Variants in CCNI2 observed in about 807,000 individuals in gnomAD.
CCNI2 encodes the protein cyclin I family member 2.
In CCNI2, 32 loss-of-function variants were observed where a neutral mutation model predicts 33.2. That is an observed-to-expected ratio of 0.96 (90% confidence interval 0.73 to 1.30). CCNI2 has a LOEUF of 1.30. CCNI2 is among the 50% of genes most tolerant of loss of function. The probability of loss-of-function intolerance (pLI) is 0.00; values close to 1 mark genes in which losing one functional copy is unlikely to be tolerated. For synonymous variants in CCNI2, 231 were observed against 219.9 expected, an observed-to-expected ratio of 1.05 and a Z score of -0.45; for missense variants, 452 against 486.2, an observed-to-expected ratio of 0.93 and a Z score of 0.66.
Position 132,752,215 on chromosome 5 carries a change from C to A in CCNI2, c.1005+19C>A. The A allele has an allele frequency of 1.9e-6, 3 of 1,549,554 alleles. No homozygotes were observed. Among genetic ancestry groups the A allele is most frequent in the East Asian group, 4.8e-5 (2 of 42,054 alleles). On this transcript the variant is annotated intron_variant, in intron 5 of 5. Coordinates refer to ENST00000378731, the MANE Select transcript of CCNI2 (RefSeq NM_001039780.4). Reference sequence around the variant, plus strand: ...AGCACAGGTAGACATCAACTTTGCCCCAGACCAGGCTCTGTGTTTTGCCCC... The same window carrying A: ...AGCACAGGTAGACATCAACTTTGCCACAGACCAGGCTCTGTGTTTTGCCCC...
chr5:132,751,878 T>G (rs1754871464), intron 4 of CCNI2, 88 bp from the exon 5 acceptor site: 2 of 1,444,012 alleles, frequency 1.4e-6, no homozygotes, highest in Non-Finnish European at 1.9e-6. Context: ...TGTTCCCTGA[T>G]GGAAATTTAA....
In CCNI2 at chr5:132,754,386, G is replaced by A. The variant is rs1007704163; in HGVS notation, c.*1416G>A. On this transcript the variant is annotated 3_prime_UTR_variant, in exon 6 of 6. Transcript: ENST00000378731. ...GTGTAAGTGGGACCACAGTGCATGA[G>A]GCAGAAGGACATCCTGAGGGCCCAT... The A allele has an allele frequency of 1.4e-6, 1 of 717,206 alleles. No individual in the cohort carries two copies. Among genetic ancestry groups the A allele is most frequent in the African/African-American group, 1.7e-5 (1 of 57,242 alleles). 44.4% of individuals were successfully genotyped at this position (717,206 alleles called of 1,614,324 possible). A position where few individuals can be genotyped will look rare whatever the true frequency, so the allele number is the denominator to read the frequency against.
chr5:132,750,887 C>T lies in CCNI2; in HGVS notation c.664C>T (p.His222Tyr). 2 of 1,614,178 alleles carry T rather than the reference C, an allele frequency of 1.2e-6. No homozygotes were observed. The highest frequency in any genetic ancestry group is 3.3e-5 in the Admixed American group (2 of 60,012). Residue 222 changes from histidine (H) to tyrosine (Y), a missense_variant, in exon 4 of 6, where the codon CAC (histidine) becomes TAC (tyrosine). By Grantham distance (83) the His-to-Tyr change is moderately conservative. Coordinates refer to ENST00000378731, the MANE Select transcript of CCNI2 (RefSeq NM_001039780.4). ...FIPQVKDFTK[H>Y]YGSDYSPNEL... ...TCCACAAGTAAAAGACTTCACAAAGCACTATGGCTCTGACTATTCCCCGAA... is the reference window on the plus strand; with the variant it reads ...TCCACAAGTAAAAGACTTCACAAAGTACTATGGCTCTGACTATTCCCCGAA...
Position 132,747,652 on chromosome 5 carries a change from C to G in CCNI2, c.157C>G (p.Arg53Gly). Residue 53 changes from arginine (R) to glycine (G), a missense_variant, in exon 1 of 6, where the codon CGG becomes GGG. Transcript: ENST00000378731. This position sits in a 1 kb window ranked among gnomAD's most constrained non-coding sequence, Gnocchi z 4.1. ...GGAGGCCCCTCTGCCCCGAAGCAAC[C>G]GGAGCAGGTGCCCTGGGACCCGCCA... is the stretch of plus-strand genomic sequence containing the variant. The part of the protein sequence containing the change: ...PGEAPLPRSN[R>G]SRCPGTRQPG... 2.7e-6 allele frequency: 4 copies of G among 1,503,630 alleles called. No homozygotes were observed. The highest frequency in any genetic ancestry group is 3.5e-6 in the Non-Finnish European group (4 of 1,133,272). The allele number at this position is 1,503,630 out of a possible 1,614,324, so 93.1% of individuals were successfully genotyped here. A position where few individuals can be genotyped will look rare whatever the true frequency, so the allele number is the denominator to read the frequency against.
chr5:132,752,202 C>T lies in CCNI2; in HGVS notation c.1005+6C>T. 2 of 1,561,432 alleles carry T rather than the reference C, an allele frequency of 1.3e-6. No individual in the cohort carries two copies. Among genetic ancestry groups the T allele is most frequent in the South Asian group, 2.4e-5 (2 of 84,896 alleles). The stretch of plus-strand genomic sequence containing the variant: ...ATCTGCTAAAGAAAGCACAGGTAGA[C>T]ATCAACTTTGCCCCAGACCAGGCTC... On this transcript the variant is annotated splice_donor_region_variant and intron_variant, in intron 5 of 5. Coordinates refer to ENST00000378731, the MANE Select transcript of CCNI2 (RefSeq NM_001039780.4).
intron 4 of CCNI2, chr5:132,751,481 A>G (rs1286047448): frequency 1.1e-5 from 2 of 190,206 alleles, no homozygotes; most frequent in Non-Finnish European, 2.2e-5. Flanking sequence ...GTCATCCTTA[A>G]GGATATGATT....
In CCNI2 at chr5:132,749,422, G is replaced by A; in HGVS notation, c.633G>A (p.Glu211=). 6.2e-7 allele frequency: 1 copy of A among 1,613,330 alleles called. No homozygotes were observed. The highest frequency in any genetic ancestry group is 8.5e-7 in the Non-Finnish European group (1 of 1,179,306). Residue 211 remains glutamate (E), a splice_region_variant and synonymous_variant, in exon 3 of 6, where the codon GAG becomes GAA. Coordinates refer to ENST00000378731, the MANE Select transcript of CCNI2 (RefSeq NM_001039780.4). ...CTGCAAAAGTTAATGAAGAAGAGGA[G>A]GTATGCATCCTTGGAAGTCCACACT... is the stretch of plus-strand genomic sequence containing the variant. ...RLAAKVNEEE[E]FIPQVKDFTK... is the part of the protein sequence containing the mutation.
At chr5:132,748,149 C>T (rs1035259876) in intron 1 of CCNI2, among the ~76,000 whole-genome samples, 198 bp from the exon 2 acceptor site, 1 of 152,136 alleles carries the variant, frequency 6.6e-6, no homozygotes, top group Non-Finnish European at 1.5e-5. Flanking sequence ...ACTCAGCCTA[C>T]GACGAAAAGT....
At chr5:132,748,978 G>C (rs1754692033) in intron 2 of CCNI2, among the ~76,000 whole-genome samples, 1 of 152,218 alleles carries the variant, frequency 6.6e-6, no homozygotes, top group South Asian at 2.1e-4. Flanking sequence ...ACAAACGGCT[G>C]GGCGCAATGG....
At position 132,747,642 on chromosome 5, in the gene CCNI2, C is replaced by G; in HGVS notation, c.147C>G (p.Pro49=). The stretch of plus-strand genomic sequence containing the variant: ...CGTCTCCGGGGGAGGCCCCTCTGCC[C>G]CGAAGCAACCGGAGCAGGTGCCCTG... ...LPPSPGEAPL[P]RSNRSRCPGT... The change falls in exon 1 of 6, where the codon CCC becomes CCG. Residue 49 remains proline, a synonymous_variant. Transcript: ENST00000378731. The surrounding 1 kb of genome is among the most constrained non-coding windows in gnomAD (Gnocchi z 4.1). The G allele has an allele frequency of 6.6e-7, 1 of 1,504,020 alleles. No homozygotes were observed. The highest frequency in any genetic ancestry group is 8.8e-7 in the Non-Finnish European group (1 of 1,133,332). 93.2% of individuals were successfully genotyped at this position (1,504,020 alleles called of 1,614,324 possible).
At chr5:132,748,527 T>A in intron 2 of CCNI2, 52 bp downstream of exon 2, 1 of 1,605,002 alleles carries the variant, frequency 6.2e-7, no homozygotes, top group Non-Finnish European at 8.5e-7. Context: ...GAAACTAACC[T>A]TTGCTCCCCA....
At chr5:132,751,182 C>G in intron 4 of CCNI2, 185 bp downstream of exon 4, 1 of 534,752 alleles carries the variant, frequency 1.9e-6, no homozygotes, top group Middle Eastern at 4.8e-4. Context: ...AACACAGTTC[C>G]ACCAGACTCC....
chr5:132,751,721 TC>T (rs1754856492), intron 4 of CCNI2: 6 of 579,058 alleles, frequency 1.0e-5, no homozygotes, highest in Non-Finnish European at 1.8e-5. Context: ...CTAGGTACTT[TC>T]CGCTCATAAC....
chr5:132,752,826 G>C, intron 5 of CCNI2, 40 bp from the exon 6 acceptor site: 1 of 1,555,182 alleles, frequency 6.4e-7, no homozygotes, highest in Non-Finnish European at 8.9e-7. Context: ...TAGAATGTAT[G>C]ATGGTTCTGC....
Position 132,753,964 on chromosome 5 carries a change from T to TTTG in CCNI2, c.*996_*997insGTT, listed in dbSNP as rs1561732861. On this transcript the variant is annotated 3_prime_UTR_variant, in exon 6 of 6. Coordinates refer to ENST00000378731, the MANE Select transcript of CCNI2 (RefSeq NM_001039780.4). ...TTCCACTGTGAACTATGGTTTTTTT[T>TTTG]TTTTTTTTTTTTTTTTGGTGTGTTT... 3 of 149,708 alleles carry TTTG rather than the reference T, an allele frequency of 2.0e-5. No homozygotes were observed. The highest frequency in any genetic ancestry group is 7.5e-5 in the African/African-American group (3 of 40,048). The allele number at this position is 149,708 out of a possible 1,614,324, so 9.3% of individuals were successfully genotyped here. A position where few individuals can be genotyped will look rare whatever the true frequency, so the allele number is the denominator to read the frequency against.
rs900055875 is a variant in CCNI2, at chr5:132,752,849, A to C, written c.1006-17A>C. On this transcript the variant is annotated splice_polypyrimidine_tract_variant and intron_variant, in intron 5 of 5. Coordinates refer to ENST00000378731, the MANE Select transcript of CCNI2 (RefSeq NM_001039780.4). ...ATGATGGTTCTGCTTGAAGATGGCCACTCTATTCTAATACAGGTTGGTGAT... is the reference window on the plus strand; with the variant it reads ...ATGATGGTTCTGCTTGAAGATGGCCCCTCTATTCTAATACAGGTTGGTGAT... 1.3e-5 allele frequency: 20 copies of C among 1,598,948 alleles called. No individual in the cohort carries two copies. The Admixed American group carries it at 3.4e-4, about 27-fold the overall frequency.
intron 3 of CCNI2, among the ~76,000 whole-genome samples, chr5:132,750,107 G>A (rs774086474): frequency 2.6e-5 from 4 of 152,228 alleles, no homozygotes; most frequent in Admixed American, 6.5e-5. Context: ...GGAAGAAGTT[G>A]TGTGTCCAGT....
downstream of CCNI2, chr5:132,754,640 G>T: frequency 1.6e-6 from 1 of 625,420 alleles, no homozygotes. Flanking sequence ...TTGTATTGCC[G>T]AAGTCCCACT....
chr5:132,755,629 G>A (rs549442284), downstream of CCNI2, among the ~76,000 whole-genome samples: 5 of 152,286 alleles, frequency 3.3e-5, no homozygotes, highest in South Asian at 2.1e-4. Flanking sequence ...ATATGGTTCC[G>A]AGCAGTCCTG....
Sources: gnomAD v4.1 joint callset for allele counts (sites outside exome capture counted in the v4.1 genomes callset) on GRCh38, gnomAD v4.1.1 for gene constraint, Gnocchi (gnomAD v3.1) non-coding constraint, MANE v1.5 for transcripts, NCBI Gene and HGNC (gene_info 2026-07-23, HGNC 2026-07-21) for gene names.